BAZ2B: variants seen among roughly 807,000 people sequenced by gnomAD.
BAZ2B encodes bromodomain adjacent to zinc finger domain protein 2B.
A neutral mutation model predicts 246.0 loss-of-function variants in BAZ2B; 91 were observed. The observed-to-expected ratio is 0.37, with a 90% CI of 0.31 to 0.44. The LOEUF (loss-of-function observed/expected upper bound fraction) is 0.44, where lower values mean the gene tolerates loss of function less well. Ranked by LOEUF, BAZ2B falls within the 20% of genes least tolerant of loss-of-function variation. The probability of loss-of-function intolerance (pLI) is 1.00; values close to 1 mark genes in which losing one functional copy is unlikely to be tolerated. For missense variants in BAZ2B, 2,332 were observed against 2,533.7 expected (o/e 0.92, Z 1.71); for synonymous variants, 855 against 860.0 (o/e 0.99, Z 0.10).
chr2:159,632,452 T>C, the BAZ2B span, among the ~76,000 whole-genome samples: 1 of 152,220 alleles, frequency 6.6e-6, no homozygotes, highest in African/African-American at 2.4e-5. Context: ...TTAAATTTAT[T>C]TATTAAAAAC....
At chr2:159,663,226 CAG>C in the BAZ2B span, among the ~76,000 whole-genome samples, 5 of 143,468 alleles carry the variant, frequency 3.5e-5, no homozygotes, top group East Asian at 2.1e-4. Context: ...TTTTTTGAGA[CAG>C]AGTCTCACTG....
At chr2:159,465,015 G>A (rs1003379221) in intron 3 of BAZ2B, among the ~76,000 whole-genome samples, 1 of 152,178 alleles carries the variant, frequency 6.6e-6, no homozygotes, top group South Asian at 2.1e-4. Context: ...TAGACTGGGT[G>A]TATTAGTTTG....
At chr2:159,369,098 T>C (rs1208922539) in intron 27 of BAZ2B, among the ~76,000 whole-genome samples, 1 of 152,206 alleles carries the variant, frequency 6.6e-6, no homozygotes, top group Non-Finnish European at 1.5e-5. Flanking sequence ...TAATTAATTA[T>C]CTGCTTTTCT....
At chr2:159,648,378 T>A in the BAZ2B span, among the ~76,000 whole-genome samples, 3 of 152,124 alleles carry the variant, frequency 2.0e-5, no homozygotes, top group African/African-American at 7.2e-5. Context: ...CCTCAACTAA[T>A]CCACCTGCCT....
intron 11 of BAZ2B, among the ~76,000 whole-genome samples, chr2:159,428,807 T>C (rs2070500515): frequency 6.6e-6 from 1 of 152,156 alleles, no homozygotes; most frequent in Admixed American, 6.5e-5. Flanking sequence ...CTGTCATTTC[T>C]AATTAAACCA....
chr2:159,389,775 G>T (rs2063108328), intron 20 of BAZ2B, among the ~76,000 whole-genome samples: 1 of 152,116 alleles, frequency 6.6e-6, no homozygotes, highest in Non-Finnish European at 1.5e-5. Context: ...ATTAAATAAA[G>T]TTATTAGCAC....
intron 2 of BAZ2B, among the ~76,000 whole-genome samples, chr2:159,538,363 T>C (rs2086266216): frequency 6.6e-6 from 1 of 152,234 alleles, no homozygotes; most frequent in African/African-American, 2.4e-5. Context: ...CACCACAGTC[T>C]TTTTTGATTT....
At position 159,350,012 on chromosome 2, in the gene BAZ2B, A is replaced by C; in HGVS notation, c.4559T>G (p.Val1520Gly). 1 of 1,614,194 alleles carries C rather than the reference A, an allele frequency of 6.2e-7. No individual in the cohort carries two copies. Among genetic ancestry groups the C allele is most frequent in the Non-Finnish European group, 8.5e-7 (1 of 1,180,024 alleles). The stretch of plus-strand genomic sequence containing the variant: ...CAGATTATTAGAGTCTGCCTTTTCC[A>C]CATTGCTTTGCGTTGCTGTTGACTG... ...SVQSTATQSN[V>G]EKADSNNLFN... is the part of the protein sequence containing the mutation. The change falls in exon 28 of 37, where the codon GTG (valine) becomes GGG (glycine). Residue 1520 changes from valine to glycine, a missense_variant. Val to Gly is a moderately radical substitution (Grantham distance 109). Coordinates refer to ENST00000392783, the MANE Select transcript of BAZ2B (RefSeq NM_013450.4).
At chr2:159,697,897 G>T in the BAZ2B span, among the ~76,000 whole-genome samples, 4 of 152,126 alleles carry the variant, frequency 2.6e-5, no homozygotes, top group Non-Finnish European at 5.9e-5. Flanking sequence ...ATGCGGGTTA[G>T]AGTTGAGTAA....
intron 2 of BAZ2B, among the ~76,000 whole-genome samples, chr2:159,500,817 G>C (rs1024639400): frequency 2.6e-5 from 4 of 151,840 alleles, no homozygotes; most frequent in Non-Finnish European, 5.9e-5. Flanking sequence ...AGCTGGATGT[G>C]GTGGTGCATG....
chr2:159,658,036 C>T, the BAZ2B span, among the ~76,000 whole-genome samples: 5 of 152,314 alleles, frequency 3.3e-5, no homozygotes, highest in African/African-American at 9.6e-5. Context: ...CATCTATTCT[C>T]TCACTATTAA....
the BAZ2B span, among the ~76,000 whole-genome samples, chr2:159,697,402 T>A: frequency 2.0e-5 from 3 of 152,192 alleles, no homozygotes; most frequent in Admixed American, 2.0e-4. Context: ...AAACAATTCA[T>A]AAATAATGTG....
intron 16 of BAZ2B, chr2:159,404,258 GAAAATTTA>G (rs1300748628): frequency 6.6e-6 from 1 of 151,742 alleles, no homozygotes; most frequent in Non-Finnish European, 1.5e-5. Context: ...TTTTACCTAT[GAAAATTTA>G]AAAATTACTT....
At chr2:159,417,264 G>C (rs1343252816) in intron 13 of BAZ2B, among the ~76,000 whole-genome samples, 1 of 147,448 alleles carries the variant, frequency 6.8e-6, no homozygotes, top group African/African-American at 2.5e-5. Flanking sequence ...TCTGCCTCTT[G>C]AGTTCAAGTG....
intron 1 of BAZ2B, among the ~76,000 whole-genome samples, chr2:159,594,617 A>G (rs904289386): frequency 1.4e-5 from 2 of 141,296 alleles, no homozygotes; most frequent in African/African-American, 5.4e-5. Flanking sequence ...AAGTAAATTG[A>G]GTCATTATTT....
chr2:159,610,045 C>T (rs372210875), intron 1 of BAZ2B, among the ~76,000 whole-genome samples: 11 of 152,138 alleles, frequency 7.2e-5, no homozygotes, highest in East Asian at 1.9e-4. Context: ...CAAATAGGAC[C>T]GAACTATTGG....
chr2:159,528,975 T>A (rs77653740), intron 2 of BAZ2B, among the ~76,000 whole-genome samples: 19 of 16,954 alleles, frequency 1.1e-3, no homozygotes, highest in Admixed American at 2.4e-3. Context: ...GGGGTGGGGG[T>A]GGGGGGAGGG....
intron 3 of BAZ2B, among the ~76,000 whole-genome samples, chr2:159,457,367 A>C (rs528575777): frequency 8.5e-5 from 13 of 152,244 alleles, no homozygotes; most frequent in Non-Finnish European, 2.9e-5. Flanking sequence ...CAAACACCTA[A>C]AACAGTGTCT....
chr2:159,478,484 C>T, intron 3 of BAZ2B, 91 bp downstream of exon 3: 1 of 1,373,538 alleles, frequency 7.3e-7, no homozygotes, highest in Non-Finnish European at 9.7e-7. Flanking sequence ...CAATGCAAGT[C>T]ATGAGAATAT....
Sources: allele counts gnomAD v4.1 joint callset (sites outside exome capture counted in the v4.1 genomes callset), GRCh38; gene constraint gnomAD v4.1.1; transcripts MANE v1.5; gene names NCBI Gene and HGNC (gene_info 2026-07-23, HGNC 2026-07-21).